Variants in DDHD1 observed in about 807,000 individuals in gnomAD.
DDHD1 encodes the protein phospholipase DDHD1.
Under a neutral mutation model 96.4 loss-of-function variants are expected in DDHD1, and 49 were observed. The observed-to-expected ratio is 0.51, with a 90% CI of 0.40 to 0.64. DDHD1 has a LOEUF of 0.64. Among genes scored for constraint, DDHD1 ranks in the 30% least tolerant of loss-of-function variants. The probability of loss-of-function intolerance (pLI) is 0.00; values close to 1 mark genes in which losing one functional copy is unlikely to be tolerated. For synonymous variants in DDHD1, 442 were observed against 446.5 expected (o/e 0.99, Z 0.13); for missense variants, 1,106 against 1,161.2 (o/e 0.95, Z 0.69).
chr14:53,055,098 T>C (rs745330534), intron 10 of DDHD1, among the ~76,000 whole-genome samples: 4 of 152,214 alleles, frequency 2.6e-5, no homozygotes, highest in Non-Finnish European at 5.9e-5. Flanking sequence ...TGCCACCTTG[T>C]GGTATTTTAC....
At chr14:53,126,237 A>G (rs1036649420) in intron 1 of DDHD1, among the ~76,000 whole-genome samples, 1 of 152,220 alleles carries the variant, frequency 6.6e-6, no homozygotes, top group Non-Finnish European at 1.5e-5. Context: ...ATGTATATAT[A>G]TTATTGTTCT....
rs114364824 is a variant in DDHD1 at position 53,050,669 on chromosome 14, T to C, written c.2521+1175A>G. 2.6e-5 allele frequency among the ~76,000 whole-genome samples: 4 copies of C among 152,230 alleles called. No individual in the cohort carries two copies. In the East Asian group the frequency reaches 7.7e-4, roughly 29 times the overall value. Reference sequence around the variant, plus strand: ...GTATTGAAATTTGTTTCATCTTATCTTTTCTAGTGACTGCCATGGTCTCTT... The same window carrying C: ...GTATTGAAATTTGTTTCATCTTATCCTTTCTAGTGACTGCCATGGTCTCTT... On this transcript the variant is annotated intron_variant, in intron 12 of 12. Coordinates refer to ENST00000673822, the MANE Select transcript of DDHD1 (RefSeq NM_001160148.2).
At chr14:53,089,273 C>G (rs193052194) in intron 4 of DDHD1, among the ~76,000 whole-genome samples, 2 of 152,300 alleles carry the variant, frequency 1.3e-5, no homozygotes, top group African/African-American at 4.8e-5. Context: ...CCATCCCCAT[C>G]AAGCTACCAA....
At chr14:53,128,017 T>C (rs1325917082) in intron 1 of DDHD1, among the ~76,000 whole-genome samples, 1 of 152,192 alleles carries the variant, frequency 6.6e-6, no homozygotes, top group African/African-American at 2.4e-5. Flanking sequence ...CCCCATGCTA[T>C]TCTGACAGTG....
chr14:53,146,017 A>C (rs1890954538), intron 1 of DDHD1, among the ~76,000 whole-genome samples: 1 of 149,074 alleles, frequency 6.7e-6, no homozygotes, highest in Non-Finnish European at 1.5e-5. Flanking sequence ...GACCAGCCTG[A>C]CCAACATAGT....
At chr14:53,129,171 G>A (rs1424728524) in intron 1 of DDHD1, among the ~76,000 whole-genome samples, 1 of 152,212 alleles carries the variant, frequency 6.6e-6, no homozygotes, top group Non-Finnish European at 1.5e-5. Context: ...GGACGTGCAT[G>A]ACATTTGGTG....
rs143188831 is a variant in DDHD1, at chr14:53,055,710, C to T, written c.2195G>A (p.Arg732His). ...TGTTATAGATTCTCCATAGTGTCGG[C>T]GGGACAAAACTGGTGAGGTCACAGG... The part of the protein sequence containing the change: ...PSPVTSPVLS[R>H]RHYGESITNI... The change falls in exon 10 of 13, where the codon CGC (arginine) becomes CAC (histidine). Residue 732 changes from arginine to histidine, a missense_variant. Physicochemically the swap from Arg to His is conservative, Grantham distance 29. This residue lies in a region of DDHD1 where 650 missense variants were observed against 758.8 expected (regional missense o/e 0.86). Coordinates refer to ENST00000673822, the MANE Select transcript of DDHD1 (RefSeq NM_001160148.2). The T allele has an allele frequency of 3.5e-5, 57 of 1,613,790 alleles. No individual in the cohort carries two copies. The highest frequency in any genetic ancestry group is 1.8e-4 in the South Asian group (16 of 91,076).
At chr14:53,109,373 T>A (rs1186134685) in intron 1 of DDHD1, among the ~76,000 whole-genome samples, 1 of 152,236 alleles carries the variant, frequency 6.6e-6, no homozygotes, top group African/African-American at 2.4e-5. Flanking sequence ...TGATGTTGCC[T>A]GTGGTTTATT....
At chr14:53,136,418 A>T (rs1326226910) in intron 1 of DDHD1, among the ~76,000 whole-genome samples, 3 of 152,228 alleles carry the variant, frequency 2.0e-5, no homozygotes, top group African/African-American at 4.8e-5. Context: ...TGAAACAGCT[A>T]AGAGTTCAGG....
chr14:53,036,944 G>A lies in DDHD1; in HGVS notation c.*9824C>T, dbSNP rs1881304680. On this transcript the variant is annotated 3_prime_UTR_variant, in exon 13 of 13. Transcript: ENST00000673822. ...TATCCTTCTGCCCTCCTCACCCACA[G>A]TGTTCCAGTCTGCAGTGTCTGTTGT... 6.6e-6 allele frequency: 1 copy of A among 152,098 alleles called. No homozygotes were observed. Among genetic ancestry groups the A allele is most frequent in the African/African-American group, 2.4e-5 (1 of 41,410 alleles). The allele number at this position is 152,098 out of a possible 1,614,324, so 9.4% of individuals were successfully genotyped here.
rs765842543 is a variant in DDHD1 at position 53,091,838 on chromosome 14, C to T, written c.1236G>A (p.Val412=). 6.2e-7 allele frequency: 1 copy of T among 1,613,718 alleles called. No homozygotes were observed. The highest frequency in any genetic ancestry group is 1.1e-5 in the South Asian group (1 of 91,034). Residue 412 remains valine, a synonymous_variant, in exon 4 of 13, where the codon GTG becomes GTA. Coordinates refer to ENST00000673822, the MANE Select transcript of DDHD1 (RefSeq NM_001160148.2). ...PSQTTHIVFV[V]HGIGQKMDQG... is the part of the protein sequence containing the mutation. ...GGTCCATTTTCTGCCCAATGCCATG[C>T]ACAACAAATACAATATGGGTAGTCT...
intron 1 of DDHD1, among the ~76,000 whole-genome samples, chr14:53,115,225 T>C (rs1290279978): frequency 6.6e-6 from 1 of 152,154 alleles, no homozygotes; most frequent in African/African-American, 2.4e-5. Flanking sequence ...TATGGCACTA[T>C]GTGAGAAGAC....
chr14:53,069,266 G>T (rs1397430637), intron 6 of DDHD1, among the ~76,000 whole-genome samples: 1 of 152,110 alleles, frequency 6.6e-6, no homozygotes, highest in Non-Finnish European at 1.5e-5. Flanking sequence ...CTGGGTGCTA[G>T]GTGTGCTCAA....
chr14:53,047,446 C>A (rs1359708825), intron 12 of DDHD1, among the ~76,000 whole-genome samples: 1 of 152,172 alleles, frequency 6.6e-6, no homozygotes, highest in African/African-American at 2.4e-5. Context: ...CATCTGTGTA[C>A]AATCCTAGAA....
At chr14:53,141,066 G>A (rs895691057) in intron 1 of DDHD1, among the ~76,000 whole-genome samples, 1 of 152,150 alleles carries the variant, frequency 6.6e-6, no homozygotes, top group African/African-American at 2.4e-5. Context: ...CAAAATACAT[G>A]AAGCAAAAAC....
intron 1 of DDHD1, among the ~76,000 whole-genome samples, chr14:53,146,508 A>C (rs1890994310): frequency 6.6e-6 from 1 of 152,044 alleles, no homozygotes; most frequent in Non-Finnish European, 1.5e-5. Context: ...AAAAAAAAAA[A>C]AAATTAATGA....
rs1881825345 is a variant in DDHD1 at position 53,043,781 on chromosome 14, A to G, written c.*2987T>C. The G allele has an allele frequency of 6.6e-6, 1 of 152,214 alleles. No homozygotes were observed. Among genetic ancestry groups the G allele is most frequent in the Admixed American group, 6.5e-5 (1 of 15,282 alleles). 9.4% of individuals were successfully genotyped at this position (152,214 alleles called of 1,614,324 possible). On this transcript the variant is annotated 3_prime_UTR_variant, in exon 13 of 13. Transcript: ENST00000673822. ...CTAAAACACAGAAACACTGGATTATAAACAAGATTACTGTTGAAAAGAAAG... is the reference window on the plus strand; with the variant it reads ...CTAAAACACAGAAACACTGGATTATGAACAAGATTACTGTTGAAAAGAAAG...
intron 1 of DDHD1, among the ~76,000 whole-genome samples, chr14:53,106,501 A>G (rs185327848): frequency 5.6e-4 from 85 of 152,274 alleles, no homozygotes; most frequent in African/African-American, 2.0e-3. Flanking sequence ...TCTACTAAAA[A>G]TATAAAAATT....
At chr14:53,080,069 A>C (rs1885326734) in intron 4 of DDHD1, among the ~76,000 whole-genome samples, 1 of 152,200 alleles carries the variant, frequency 6.6e-6, no homozygotes, top group Non-Finnish European at 1.5e-5. Context: ...ATAGTTAAGA[A>C]ATGACATCTG....
Sources: gnomAD v4.1 joint callset for allele counts (sites outside exome capture counted in the v4.1 genomes callset) on GRCh38, gnomAD v4.1.1 for gene constraint, gnomAD v4.1.1 regional missense constraint, MANE v1.5 for transcripts, NCBI Gene and HGNC (gene_info 2026-07-23, HGNC 2026-07-21) for gene names.